Variants in SYNPO2 observed in about 807,000 individuals in gnomAD.
SYNPO2 encodes synaptopodin 2.
SYNPO2 carries 56 observed loss-of-function variants against 85.0 expected under a neutral mutation model. The ratio of observed to expected loss-of-function variants is 0.66; its 90% CI spans 0.53 to 0.82. SYNPO2 has a LOEUF of 0.82. Ranked by LOEUF, SYNPO2 falls within the 40% of genes least tolerant of loss-of-function variation. The pLI, the probability that SYNPO2 is intolerant of heterozygous loss-of-function variation, is 0.00. For synonymous variants in SYNPO2, 602 were observed against 591.1 expected, an observed-to-expected ratio of 1.02 and a Z score of -0.27; for missense variants, 1,575 against 1,534.2, an observed-to-expected ratio of 1.03 and a Z score of -0.44.
At chr4:118,878,893 T>C (rs1731982131) in intron 1 of SYNPO2, among the ~76,000 whole-genome samples, 1 of 152,344 alleles carries the variant, frequency 6.6e-6, no homozygotes, top group South Asian at 2.1e-4. Context: ...GGATGTTTTG[T>C]TCTTTCTCTC....
chr4:118,961,897 T>C (rs1735111248), intron 1 of SYNPO2, among the ~76,000 whole-genome samples: 1 of 152,258 alleles, frequency 6.6e-6, no homozygotes, highest in South Asian at 2.1e-4. Flanking sequence ...ATTTTCAGTA[T>C]ATGGCTCTTT....
At chr4:118,938,920 T>C (rs1734205352) in intron 1 of SYNPO2, among the ~76,000 whole-genome samples, 1 of 152,214 alleles carries the variant, frequency 6.6e-6, no homozygotes, top group African/African-American at 2.4e-5. Context: ...AATGATAACC[T>C]TTCCTTTTTT....
chr4:119,037,999 A>G (rs560456056), intron 4 of SYNPO2: 2 of 296,902 alleles, frequency 6.7e-6, no homozygotes, highest in East Asian at 3.5e-4. Context: ...TATTATTCCC[A>G]TTTTACAGAT....
At chr4:119,035,247 A>T in intron 4 of SYNPO2, 3 of 985,414 alleles carry the variant, frequency 3.0e-6, no homozygotes, top group Non-Finnish European at 3.6e-6. Context: ...TCCTGACGGG[A>T]ATGTTGTGCT....
At chr4:118,976,229 T>G (rs1735728020) in intron 1 of SYNPO2, among the ~76,000 whole-genome samples, 1 of 152,058 alleles carries the variant, frequency 6.6e-6, no homozygotes, top group Non-Finnish European at 1.5e-5. Flanking sequence ...GGTGGGTTCG[T>G]GGTCTCGCTG....
intron 1 of SYNPO2, among the ~76,000 whole-genome samples, chr4:118,908,073 A>G (rs1057343978): frequency 3.3e-5 from 5 of 152,148 alleles, no homozygotes; most frequent in African/African-American, 7.2e-5. Flanking sequence ...ACCATTACAG[A>G]TAGTGTTGAG....
chr4:118,932,965 T>C (rs1261141508), intron 1 of SYNPO2, among the ~76,000 whole-genome samples: 1 of 152,176 alleles, frequency 6.6e-6, no homozygotes, highest in African/African-American at 2.4e-5. Context: ...TTCACAATTT[T>C]ATTTTAATAC....
intron 1 of SYNPO2, among the ~76,000 whole-genome samples, chr4:118,971,409 A>G (rs1735536889): frequency 6.6e-6 from 1 of 152,242 alleles, no homozygotes; most frequent in Non-Finnish European, 1.5e-5. Context: ...GCTCTCCTAC[A>G]TCCCACCATC....
intron 4 of SYNPO2, chr4:119,043,833 C>G (rs908772936): frequency 2.7e-5 from 4 of 147,884 alleles, no homozygotes; most frequent in Admixed American, 6.9e-5. Context: ...AGGTACCCGG[C>G]AGGGTGAGGC....
At chr4:118,886,346 G>A (rs1053587684), upstream of SYNPO2, among the ~76,000 whole-genome samples, 18 of 152,212 alleles carry the variant, frequency 1.2e-4, 1 homozygote, top group Non-Finnish European at 2.5e-4. Flanking sequence ...CTATCAACCC[G>A]TCATCTAGGT....
intron 1 of SYNPO2, among the ~76,000 whole-genome samples, chr4:118,974,579 A>C (rs1474113731): frequency 6.6e-6 from 1 of 152,240 alleles, no homozygotes; most frequent in Non-Finnish European, 1.5e-5. Context: ...ATTTTAACAC[A>C]TCCCTTTGCT....
chr4:119,002,805 A>G (rs1162337076), intron 1 of SYNPO2, among the ~76,000 whole-genome samples: 2 of 152,162 alleles, frequency 1.3e-5, no homozygotes, highest in Non-Finnish European at 2.9e-5. Flanking sequence ...ATTTGATACC[A>G]TCTTTATTCT....
chr4:119,008,086 C>G (rs1737148419), intron 1 of SYNPO2, among the ~76,000 whole-genome samples: 1 of 152,170 alleles, frequency 6.6e-6, no homozygotes, highest in Non-Finnish European at 1.5e-5. Flanking sequence ...TGTTCAGGAA[C>G]TCGGCCATAT....
At position 118,996,377 on chromosome 4, in the gene SYNPO2, A is replaced by G. The variant is rs1025217445; in HGVS notation, c.106-27053A>G. Among the ~76,000 whole-genome samples the G allele has an allele frequency of 1.3e-4, 20 of 152,268 alleles. No individual in the cohort carries two copies. In the South Asian group the frequency reaches 4.1e-3, roughly 32 times the overall value. On this transcript the variant is annotated intron_variant, in intron 1 of 4. Transcript: ENST00000307142. ...TGCAATGCTTCTGTTCTTTATGAAT[A>G]CTTTTATTACCTTTGCCAGATGTAT...
intron 1 of SYNPO2, among the ~76,000 whole-genome samples, chr4:119,020,587 G>T (rs866359582): frequency 3.3e-5 from 5 of 152,080 alleles, no homozygotes; most frequent in Non-Finnish European, 7.4e-5. Context: ...TTGGGTCTTG[G>T]GGGGCACAGA....
chr4:118,957,640 G>A (rs1012518266), intron 1 of SYNPO2, among the ~76,000 whole-genome samples: 2 of 152,176 alleles, frequency 1.3e-5, no homozygotes, highest in Non-Finnish European at 2.9e-5. Context: ...TGTCCTAGCT[G>A]ATTATGGGGC....
At chr4:118,924,124 G>A (rs1257229839) in intron 1 of SYNPO2, among the ~76,000 whole-genome samples, 1 of 152,098 alleles carries the variant, frequency 6.6e-6, no homozygotes, top group Non-Finnish European at 1.5e-5. Context: ...CAAGTGCTCC[G>A]TGTGGGTGTA....
At chr4:118,887,056 G>A (rs1229256375), upstream of SYNPO2, among the ~76,000 whole-genome samples, 4 of 152,138 alleles carry the variant, frequency 2.6e-5, no homozygotes, top group African/African-American at 7.2e-5. Context: ...GAGTTTGAAA[G>A]TTCTCCCCAT....
Position 118,942,361 on chromosome 4 carries a change from G to A in SYNPO2, c.105+53220G>A, listed in dbSNP as rs117092632. Among the ~76,000 whole-genome samples the A allele has an allele frequency of 4.5e-4, 68 of 152,200 alleles. 1 individual carries two copies. In the East Asian group the frequency reaches 0.01, roughly 22 times the overall value. Reference sequence around the variant, plus strand: ...GTTCACCACTGTAACCCCTGTGCCCGGCATGGGGTCTCTGGCACTTGGTAT... The same window carrying A: ...GTTCACCACTGTAACCCCTGTGCCCAGCATGGGGTCTCTGGCACTTGGTAT... On this transcript the variant is annotated intron_variant, in intron 1 of 4. Transcript: ENST00000307142.
Sources: gnomAD v4.1 joint callset for allele counts (sites outside exome capture counted in the v4.1 genomes callset) on GRCh38, gnomAD v4.1.1 for gene constraint, MANE v1.5 for transcripts, NCBI Gene and HGNC (gene_info 2026-07-23, HGNC 2026-07-21) for gene names.